The following ATG10 variants were observed in gnomAD, a reference collection of about 807,000 sequenced individuals.
ATG10 encodes the protein ubiquitin-like-conjugating enzyme ATG10.
A neutral mutation model predicts 32.1 loss-of-function variants in ATG10; 30 were observed. That is an observed-to-expected ratio of 0.94 (90% CI 0.70 to 1.27). The LOEUF is 1.27. ATG10 is among the 50% of genes most tolerant of loss of function. The pLI is 0.00. For missense variants in ATG10, 233 were observed against 262.3 expected (o/e 0.89, Z 0.77); for synonymous variants, 87 against 91.5 (o/e 0.95, Z 0.28).
At chr5:82,193,695 G>A (rs1744746911) in intron 5 of ATG10, among the ~76,000 whole-genome samples, 1 of 152,200 alleles carries the variant, frequency 6.6e-6, no homozygotes, top group Non-Finnish European at 1.5e-5. Flanking sequence ...TTAAGGGTGA[G>A]TTCTATAAAA....
intron 4 of ATG10, among the ~76,000 whole-genome samples, chr5:82,171,869 T>G (rs1488395469): frequency 1.3e-5 from 2 of 152,222 alleles, no homozygotes; most frequent in East Asian, 3.8e-4. Flanking sequence ...GATATGTTTC[T>G]GAAATGCTGA....
intron 3 of ATG10, among the ~76,000 whole-genome samples, chr5:82,112,205 T>A (rs1485218880): frequency 6.6e-6 from 1 of 151,968 alleles, no homozygotes; most frequent in Non-Finnish European, 1.5e-5. Flanking sequence ...CTCAGAAAGA[T>A]GTCCACTGCA....
chr5:82,029,261 G>C (rs1762678806), intron 2 of ATG10, among the ~76,000 whole-genome samples: 1 of 152,208 alleles, frequency 6.6e-6, no homozygotes, highest in African/African-American at 2.4e-5. Flanking sequence ...ACAGAAAGTA[G>C]ATTAGTGGTT....
At chr5:82,003,927 G>A (rs1279733852) in intron 2 of ATG10, among the ~76,000 whole-genome samples, 2 of 152,134 alleles carry the variant, frequency 1.3e-5, no homozygotes, top group African/African-American at 4.8e-5. Context: ...ATCACTTGAG[G>A]TCAGGAGTTT....
At chr5:82,003,372 G>GACTCCAGGTCTGAGGGAAGAAGTGTACAA in intron 2 of ATG10, among the ~76,000 whole-genome samples, 2 of 152,278 alleles carry the variant, frequency 1.3e-5, no homozygotes, top group Middle Eastern at 6.8e-3. Context: ...AGGAATGGCT[G>GACTCCAGGTCTGAGGGAAGAAGTGTACAA]ACTCCAGGTC....
At chr5:82,137,254 C>T (rs1159097740) in intron 3 of ATG10, among the ~76,000 whole-genome samples, 6 of 152,124 alleles carry the variant, frequency 3.9e-5, no homozygotes, top group Non-Finnish European at 7.4e-5. Flanking sequence ...TGTTCCCTTG[C>T]TGGCAAGCAG....
chr5:82,102,112 G>C (rs1035908134), intron 3 of ATG10, among the ~76,000 whole-genome samples: 39 of 152,134 alleles, frequency 2.6e-4, no homozygotes, highest in Non-Finnish European at 2.9e-4. Flanking sequence ...GGAAAGATTT[G>C]ATCAGTTGAC....
At chr5:82,040,008 G>T (rs1172572600) in intron 2 of ATG10, among the ~76,000 whole-genome samples, 1 of 152,148 alleles carries the variant, frequency 6.6e-6, no homozygotes, top group Non-Finnish European at 1.5e-5. Flanking sequence ...ATGGGGTCGT[G>T]GGGCCTGTTT....
chr5:82,121,071 G>T (rs190608770), intron 3 of ATG10, among the ~76,000 whole-genome samples: 1 of 152,128 alleles, frequency 6.6e-6, no homozygotes, highest in African/African-American at 2.4e-5. Context: ...AGGAATAAGG[G>T]TTAGAAGAAC....
intron 3 of ATG10, among the ~76,000 whole-genome samples, chr5:82,075,663 C>T (rs1180447896): frequency 2.0e-5 from 3 of 148,562 alleles, no homozygotes; most frequent in Admixed American, 6.7e-5. Context: ...AGGTCAGGTG[C>T]GCTGGCTCAT....
intron 5 of ATG10, among the ~76,000 whole-genome samples, chr5:82,202,715 T>C (rs904852087): frequency 3.9e-5 from 6 of 152,094 alleles, no homozygotes; most frequent in African/African-American, 1.5e-4. Flanking sequence ...TGACTAGTAC[T>C]ACTCTTGAGC....
chr5:82,217,924 C>T (rs113739124), intron 5 of ATG10, among the ~76,000 whole-genome samples: 268 of 151,994 alleles, frequency 1.8e-3, no homozygotes, highest in Middle Eastern at 6.8e-3. Flanking sequence ...CTGTGGTGAG[C>T]TGAGATTGTA....
intron 1 of ATG10, among the ~76,000 whole-genome samples, chr5:81,979,882 G>A (rs1431467374): frequency 4.1e-5 from 6 of 146,286 alleles, no homozygotes; most frequent in Non-Finnish European, 9.0e-5. Flanking sequence ...TTTTTCAGTT[G>A]TACATTTGCT....
At chr5:81,978,653 T>C (rs984474667) in intron 1 of ATG10, among the ~76,000 whole-genome samples, 1 of 151,786 alleles carries the variant, frequency 6.6e-6, no homozygotes, top group Admixed American at 6.6e-5. Context: ...AGATCTGTGG[T>C]TTTTTTTGTT....
intron 5 of ATG10, among the ~76,000 whole-genome samples, chr5:82,181,882 C>A (rs1405190935): frequency 6.6e-6 from 1 of 152,096 alleles, no homozygotes; most frequent in Non-Finnish European, 1.5e-5. Flanking sequence ...ATAAGCCACT[C>A]ATAAATTTCA....
intron 2 of ATG10, among the ~76,000 whole-genome samples, chr5:82,042,297 C>T (rs916128573): frequency 2.6e-5 from 4 of 152,048 alleles, no homozygotes; most frequent in Non-Finnish European, 5.9e-5. Flanking sequence ...CACTTTTAAA[C>T]CATCAGATTT....
intron 3 of ATG10, among the ~76,000 whole-genome samples, chr5:82,087,512 C>G (rs1035108798): frequency 7.2e-5 from 11 of 152,122 alleles, no homozygotes; most frequent in Non-Finnish European, 1.6e-4. Context: ...TCATTTTCTA[C>G]TTTTCTGACT....
At chr5:82,166,985 A>C (rs545627319) in intron 4 of ATG10, among the ~76,000 whole-genome samples, 1 of 152,160 alleles carries the variant, frequency 6.6e-6, no homozygotes, top group East Asian at 1.9e-4. Context: ...ACAAGTAATA[A>C]ATAGTTTCCA....
chr5:82,252,339 T>A (rs1434950536), intron 5 of ATG10, among the ~76,000 whole-genome samples: 1 of 152,262 alleles, frequency 6.6e-6, no homozygotes, highest in East Asian at 1.9e-4. Context: ...GGTGCCCTGC[T>A]ATACTCGACC....
Sources: allele counts gnomAD v4.1 joint callset (sites outside exome capture counted in the v4.1 genomes callset), GRCh38; gene constraint gnomAD v4.1.1; transcripts MANE v1.5; gene names NCBI Gene and HGNC (gene_info 2026-07-23, HGNC 2026-07-21).